Variants in NRG1 observed in about 807,000 individuals in gnomAD.
The protein encoded by NRG1 is neuregulin 1.
Under a neutral mutation model 63.8 loss-of-function variants are expected in NRG1, and 18 were observed. The ratio of observed to expected loss-of-function variants is 0.28; its 90% CI spans 0.19 to 0.42. The LOEUF is 0.42. Ranked by LOEUF, NRG1 falls within the 10% of genes least tolerant of loss-of-function variation. NRG1 has a pLI of 1.00. For missense variants in NRG1, 762 were observed against 814.7 expected, an observed-to-expected ratio of 0.94 and a Z score of 0.79; for synonymous variants, 302 against 301.3, an observed-to-expected ratio of 1.00 and a Z score of -0.02.
chr8:31,793,931 A>G (rs1820950803), intron 1 of NRG1, among the ~76,000 whole-genome samples: 1 of 150,196 alleles, frequency 6.7e-6, no homozygotes, highest in Non-Finnish European at 1.5e-5. Flanking sequence ...TTTTCTTCCC[A>G]TATTTCCTTC....
chr8:31,894,509 T>TATCATTG (rs1437620003), intron 1 of NRG1, among the ~76,000 whole-genome samples: 3 of 152,100 alleles, frequency 2.0e-5, no homozygotes, highest in Non-Finnish European at 4.4e-5. Context: ...TTGCATAGGT[T>TATCATTG]ATCATTGAGT....
chr8:31,781,987 T>G (rs2131617104), intron 1 of NRG1, among the ~76,000 whole-genome samples: 1 of 152,264 alleles, frequency 6.6e-6, no homozygotes, highest in Admixed American at 6.5e-5. Flanking sequence ...CCACCTGGAC[T>G]TGGTCTCTCT....
At chr8:31,861,673 A>G (rs1039605377) in intron 1 of NRG1, among the ~76,000 whole-genome samples, 9 of 152,208 alleles carry the variant, frequency 5.9e-5, no homozygotes, top group African/African-American at 2.2e-4. Flanking sequence ...TAAGAAAAAC[A>G]TAAAATGAGG....
At chr8:32,463,948 G>C (rs899212247) in intron 1 of NRG1, among the ~76,000 whole-genome samples, 2 of 122,274 alleles carry the variant, frequency 1.6e-5, no homozygotes, top group Non-Finnish European at 3.2e-5. Flanking sequence ...AGGCTGGAGT[G>C]CAGTGGCGAT....
At chr8:31,854,138 G>A (rs1236234079) in intron 1 of NRG1, among the ~76,000 whole-genome samples, 2 of 151,990 alleles carry the variant, frequency 1.3e-5, no homozygotes, top group Admixed American at 6.6e-5. Flanking sequence ...AAATGAGTTA[G>A]AGAGGATTCC....
intron 1 of NRG1, among the ~76,000 whole-genome samples, chr8:32,319,397 A>G (rs1436132137): frequency 6.6e-6 from 1 of 152,164 alleles, no homozygotes; most frequent in Non-Finnish European, 1.5e-5. Flanking sequence ...ATGCAGAAGG[A>G]TCTGGTCCAG....
intron 5 of NRG1, among the ~76,000 whole-genome samples, chr8:32,626,051 C>T (rs1045630503): frequency 6.6e-6 from 1 of 151,938 alleles, no homozygotes; most frequent in Non-Finnish European, 1.5e-5. Context: ...ACCTTGGCCT[C>T]CCAAAGTGCT....
chr8:31,779,542 A>G (rs757247292), intron 1 of NRG1, among the ~76,000 whole-genome samples: 8 of 152,104 alleles, frequency 5.3e-5, no homozygotes, highest in Non-Finnish European at 8.8e-5. Context: ...CAAAATTTCC[A>G]CTGTAATAGA....
At chr8:31,865,410 T>C (rs1842637) in intron 1 of NRG1, among the ~76,000 whole-genome samples, 22,960 of 152,080 alleles carry the variant, frequency 0.15, 2,063 homozygotes, top group Non-Finnish European at 0.19. Flanking sequence ...TTCTGAAGTT[T>C]CTCTGAAATG....
chr8:31,874,336 A>G (rs1467540922), intron 1 of NRG1, among the ~76,000 whole-genome samples: 6 of 152,240 alleles, frequency 3.9e-5, no homozygotes. Context: ...AATGGATGAA[A>G]TAAAGTTTTA....
rs1803678173 is a variant in NRG1, at chr8:31,640,729, G to A, written c.37+1298G>A. ...CAGCCGGGTGCTGTGCAAGCGGTGC[G>A]GTAAGTTCCTCGCCCTTGGGGGCGC... On this transcript the variant is annotated intron_variant, in intron 1 of 10. Coordinates refer to the NRG1 transcript ENST00000519301. The surrounding 1 kb of genome is among the most constrained non-coding windows in gnomAD (Gnocchi z 6.3). 1 of 1,575,328 alleles carries A rather than the reference G, an allele frequency of 6.3e-7. No individual in the cohort carries two copies. Among genetic ancestry groups the A allele is most frequent in the African/African-American group, 1.4e-5 (1 of 73,096 alleles).
intron 1 of NRG1, among the ~76,000 whole-genome samples, chr8:31,986,333 C>T (rs1382545527): frequency 1.3e-5 from 2 of 151,978 alleles, no homozygotes; most frequent in Non-Finnish European, 2.9e-5. Context: ...ACATATTGAG[C>T]ACCAGTCCAC....
intron 1 of NRG1, among the ~76,000 whole-genome samples, chr8:32,372,243 GC>G (rs896758634): frequency 6.6e-6 from 1 of 151,850 alleles, no homozygotes; most frequent in African/African-American, 2.4e-5. Flanking sequence ...TCTCTCCTCA[GC>G]CTCCCAAAGT....
At chr8:31,931,893 A>G (rs2129619997) in intron 1 of NRG1, among the ~76,000 whole-genome samples, 1 of 152,274 alleles carries the variant, frequency 6.6e-6, no homozygotes, top group East Asian at 1.9e-4. Context: ...TGTACTGTAA[A>G]TGTTTCATGT....
intron 1 of NRG1, among the ~76,000 whole-genome samples, chr8:32,491,304 TTA>T (rs1225930212): frequency 6.6e-6 from 1 of 152,204 alleles, no homozygotes; most frequent in Non-Finnish European, 1.5e-5. Flanking sequence ...TCTCATTATA[TTA>T]TAGCACGAAG....
At chr8:32,087,482 C>CTTTTCT (rs1554622115) in intron 1 of NRG1, among the ~76,000 whole-genome samples, 1 of 90,278 alleles carries the variant, frequency 1.1e-5, no homozygotes, top group African/African-American at 3.8e-5. Context: ...TCTTTTCTTT[C>CTTTTCT]TTTTTTTTTT....
chr8:32,677,260 A>C (rs1276615754), intron 5 of NRG1, among the ~76,000 whole-genome samples: 1 of 152,206 alleles, frequency 6.6e-6, no homozygotes, highest in Non-Finnish European at 1.5e-5. Context: ...TCTATAATTA[A>C]GTCAGATAAT....
chr8:32,372,337 C>T (rs889961964), intron 1 of NRG1, among the ~76,000 whole-genome samples: 7 of 151,844 alleles, frequency 4.6e-5, no homozygotes, highest in African/African-American at 1.7e-4. Context: ...TAGCTTTAAA[C>T]CCAGGCTCTG....
chr8:32,675,150 G>C (rs1189634885), intron 5 of NRG1, among the ~76,000 whole-genome samples: 1 of 152,130 alleles, frequency 6.6e-6, no homozygotes, highest in East Asian at 1.9e-4. Flanking sequence ...AAAAGAGCAA[G>C]ATCACATTTA....
Sources: gnomAD v4.1 joint callset for allele counts (sites outside exome capture counted in the v4.1 genomes callset) on GRCh38, gnomAD v4.1.1 for gene constraint, Gnocchi (gnomAD v3.1) non-coding constraint, MANE v1.5 for transcripts, NCBI Gene and HGNC (gene_info 2026-07-23, HGNC 2026-07-21) for gene names.